ESF1: variants seen among roughly 807,000 people sequenced by gnomAD.
The protein encoded by ESF1 is ESF1 homolog.
ESF1 carries 58 observed loss-of-function variants against 92.0 expected under a neutral mutation model. The observed-to-expected ratio is 0.63, with a 90% CI of 0.51 to 0.78. The LOEUF (loss-of-function observed/expected upper bound fraction) is 0.78. ESF1 is among the 30% of genes least tolerant of loss of function. The pLI, the probability that ESF1 is intolerant of heterozygous loss-of-function variation, is 0.00. For synonymous variants in ESF1, 321 were observed against 313.7 expected (o/e 1.02, Z -0.24); for missense variants, 922 against 989.1 (o/e 0.93, Z 0.91).
At chr20:13,717,344 G>A in intron 13 of ESF1, 24 bp downstream of exon 13, 2 of 1,611,850 alleles carry the variant, frequency 1.2e-6, no homozygotes, top group Non-Finnish European at 1.7e-6. Context: ...GCTTTAAGAG[G>A]CTATGCCTGG....
At chr20:13,784,476 T>C (rs1980536117) in intron 1 of ESF1, among the ~76,000 whole-genome samples, 3 of 152,112 alleles carry the variant, frequency 2.0e-5, no homozygotes, top group Non-Finnish European at 4.4e-5. Context: ...ACTGCATGTA[T>C]TGTAAATGTT....
chr20:13,772,663 C>T (rs1979745794), intron 4 of ESF1, 48 bp from the exon 5 acceptor site: 2 of 1,336,342 alleles, frequency 1.5e-6, no homozygotes, highest in Non-Finnish European at 2.1e-6. Flanking sequence ...TTCCTTTACA[C>T]AAATATCTAG....
rs757003925 is a variant in ESF1, at chr20:13,772,640, T to C, written c.1150-25A>G. On this transcript the variant is annotated intron_variant, in intron 4 of 13. Transcript: ENST00000617257. ...TCTAAACAGAAAAAAATAGGATCAA[T>C]GTAATTTGTACATTCCTTTACACAA... The C allele has an allele frequency of 4.0e-6, 6 of 1,509,086 alleles. No individual in the cohort carries two copies. The Admixed American group carries it at 5.0e-5, about 13-fold the overall frequency. 93.5% of individuals were successfully genotyped at this position (1,509,086 alleles called of 1,614,324 possible).
rs199605089 is a variant in ESF1 at position 13,766,806 on chromosome 20, T to G, written c.1637A>C (p.Asp546Ala). The G allele has an allele frequency of 6.2e-7, 1 of 1,613,788 alleles. No individual in the cohort carries two copies. The highest frequency in any genetic ancestry group is 8.5e-7 in the Non-Finnish European group (1 of 1,179,844). The change falls in exon 8 of 14, where the codon GAT (aspartate) becomes GCT (alanine). Residue 546 changes from aspartate (D) to alanine (A), a missense_variant. By Grantham distance (126) the Asp-to-Ala change is moderately radical. Transcript: ENST00000617257. ...FQAYLASSSEDEEEIEEELQG... is the reference protein window; with the variant it reads ...FQAYLASSSEAEEEIEEELQG... ...TAGCTCCTCTTCTATCTCCTCTTCA[T>G]CTTCACTAGAGGAAGCTAAGTAGGC... is the stretch of plus-strand genomic sequence containing the variant.
rs752563063 is a variant in ESF1, at chr20:13,759,870, T to G, written c.1667-17A>C. 25 of 1,576,178 alleles carry G rather than the reference T, an allele frequency of 1.6e-5. No homozygotes were observed. In the East Asian group the frequency reaches 5.7e-4, roughly 36 times the overall value. ...CATCATCACCTAATGAAAAAAAAATTCACTTAATACACAGAAACAATTCAT... is the reference window on the plus strand; with the variant it reads ...CATCATCACCTAATGAAAAAAAAATGCACTTAATACACAGAAACAATTCAT... On this transcript the variant is annotated splice_polypyrimidine_tract_variant and intron_variant, in intron 8 of 13. Coordinates refer to ENST00000617257, the MANE Select transcript of ESF1 (RefSeq NM_001276380.2).
At chr20:13,722,709 AG>A (rs2049876176) in intron 11 of ESF1, among the ~76,000 whole-genome samples, 1 of 151,688 alleles carries the variant, frequency 6.6e-6, no homozygotes, top group South Asian at 2.1e-4. Context: ...TAAATTAGCC[AG>A]GCATGGTGGT....
rs759402332 is a variant in ESF1, at chr20:13,772,570, C to G, written c.1195G>C (p.Val399Leu). ...FGKERMKEEQ[V>L]QGPVELLSIP... is the part of the protein sequence containing the mutation. Reference sequence around the variant, plus strand: ...CTTAATAGCTCTACTGGTCCTTGAACTTGCTCTTCCTTCATCCTCTCCTTT... The same window carrying G: ...CTTAATAGCTCTACTGGTCCTTGAAGTTGCTCTTCCTTCATCCTCTCCTTT... Residue 399 changes from valine to leucine, a missense_variant, in exon 5 of 14, where the codon GTT (valine) becomes CTT (leucine). By Grantham distance (32) the Val-to-Leu change is conservative (BLOSUM62 1). Transcript: ENST00000617257. The G allele has an allele frequency of 1.4e-5, 22 of 1,612,894 alleles. No individual in the cohort carries two copies. Among genetic ancestry groups the G allele is most frequent in the Non-Finnish European group, 1.9e-5 (22 of 1,179,536 alleles).
chr20:13,752,109 AG>A (rs1422784237), intron 9 of ESF1, among the ~76,000 whole-genome samples: 1 of 152,236 alleles, frequency 6.6e-6, no homozygotes, highest in African/African-American at 2.4e-5. Flanking sequence ...AATCACATGG[AG>A]GAAATGTATT....
At chr20:13,781,460 G>A (rs2147452394) in intron 2 of ESF1, among the ~76,000 whole-genome samples, 1 of 151,482 alleles carries the variant, frequency 6.6e-6, no homozygotes, top group South Asian at 2.1e-4. Flanking sequence ...ATTTCTACTA[G>A]ACAATGTTGC....
intron 6 of ESF1, 143 bp downstream of exon 6, chr20:13,771,188 G>A: frequency 1.5e-6 from 1 of 677,044 alleles, no homozygotes; most frequent in Non-Finnish European, 2.6e-6. Context: ...TCTTAGGAGT[G>A]ATGTTCCATG....
intron 2 of ESF1, among the ~76,000 whole-genome samples, chr20:13,779,146 C>T (rs934958758): frequency 1.3e-5 from 2 of 152,154 alleles, no homozygotes; most frequent in Non-Finnish European, 2.9e-5. Context: ...ATAAATGTCT[C>T]TATTCCTAGA....
intron 9 of ESF1, among the ~76,000 whole-genome samples, chr20:13,745,832 C>T (rs558563216): frequency 1.6e-4 from 25 of 152,094 alleles, no homozygotes; most frequent in East Asian, 1.4e-3. Context: ...AACAAAACTA[C>T]AAAATAGACT....
intron 10 of ESF1, among the ~76,000 whole-genome samples, chr20:13,728,814 C>T (rs2049921051): frequency 6.6e-6 from 1 of 151,818 alleles, no homozygotes; most frequent in African/African-American, 2.4e-5. Flanking sequence ...TTGTGGTGAG[C>T]CGAGATCGTG....
rs369063797 is a variant in ESF1 at position 13,739,922 on chromosome 20, A to G, written c.1829-6080T>C. On this transcript the variant is annotated intron_variant, in intron 9 of 13. Coordinates refer to ENST00000617257, the MANE Select transcript of ESF1 (RefSeq NM_001276380.2). ...CCAGCAGAGACCACTACATTAAGCC[A>G]AGATGCTTAAGGGTGCTCTCAGTGG... Among the ~76,000 whole-genome samples, 41 of 152,182 alleles carry G rather than the reference A, an allele frequency of 2.7e-4. 4 individuals carry two copies. The highest frequency in any genetic ancestry group is 2.1e-3 in the Admixed American group (32 of 15,274).
At chr20:13,741,298 A>C (rs80115183) in intron 9 of ESF1, among the ~76,000 whole-genome samples, 2,791 of 152,294 alleles carry the variant, frequency 0.018, 92 homozygotes, top group African/African-American at 0.062. Context: ...AGGATACCAC[A>C]TACTACAGTC....
chr20:13,776,172 C>A lies in ESF1; in HGVS notation c.736G>T (p.Val246Phe). ...TCCTCATCACTTCCTATTTCACTAA[C>A]GCTTTCTGAATCTTCCTCCAGAGCA... The part of the protein sequence containing the change: ...KDALEEDSES[V>F]SEIGSDEESE... The change falls in exon 3 of 14, where the codon GTT (valine) becomes TTT (phenylalanine). Residue 246 changes from valine (V) to phenylalanine (F), a missense_variant. Coordinates refer to ENST00000617257, the MANE Select transcript of ESF1 (RefSeq NM_001276380.2). The A allele has an allele frequency of 6.2e-7, 1 of 1,613,928 alleles. No homozygotes were observed. The highest frequency in any genetic ancestry group is 8.5e-7 in the Non-Finnish European group (1 of 1,179,910).
intron 8 of ESF1, among the ~76,000 whole-genome samples, chr20:13,761,281 A>G (rs935954076): frequency 2.0e-5 from 3 of 151,804 alleles, no homozygotes; most frequent in Non-Finnish European, 4.4e-5. Context: ...AAAACCAGAG[A>G]TCTTTGTTCA....
chr20:13,744,893 T>C (rs1340390512), intron 9 of ESF1, among the ~76,000 whole-genome samples: 1 of 152,214 alleles, frequency 6.6e-6, no homozygotes, highest in Non-Finnish European at 1.5e-5. Flanking sequence ...ATTTTGCCTA[T>C]TTGTTTACTA....
At position 13,759,805 on chromosome 20, in the gene ESF1, T is replaced by C; in HGVS notation, c.1715A>G (p.Gln572Arg). The C allele has an allele frequency of 6.3e-7, 1 of 1,599,008 alleles. No individual in the cohort carries two copies. The highest frequency in any genetic ancestry group is 1.1e-5 in the South Asian group (1 of 88,074). ...AGCAATTTGTTCTTCATCATCCTTC[T>C]GACTTTTCTTTGTTTTCCCATCTTC... ...VEEDGKTKKS[Q>R]KDDEEQIAKY... is the part of the protein sequence containing the mutation. The change falls in exon 9 of 14, where the codon CAG (glutamine) becomes CGG (arginine). Residue 572 changes from glutamine (Q) to arginine (R), a missense_variant. Gln to Arg is a conservative substitution (Grantham distance 43). Coordinates refer to ENST00000617257, the MANE Select transcript of ESF1 (RefSeq NM_001276380.2).
Sources: allele counts gnomAD v4.1 joint callset (sites outside exome capture counted in the v4.1 genomes callset), GRCh38; gene constraint gnomAD v4.1.1; transcripts MANE v1.5; gene names NCBI Gene and HGNC (gene_info 2026-07-23, HGNC 2026-07-21).